ANKRD36: variants seen among roughly 807,000 people sequenced by gnomAD.
ANKRD36 encodes ankyrin repeat domain-containing protein 36A.
Under a neutral mutation model 278.1 loss-of-function variants are expected in ANKRD36, and 179 were observed. That is an observed-to-expected ratio of 0.64 (90% CI 0.57 to 0.73). ANKRD36 has a LOEUF of 0.73. Ranked by LOEUF, ANKRD36 falls within the 30% of genes least tolerant of loss-of-function variation. The pLI is 0.00. For missense variants in ANKRD36, 1,159 were observed against 1,956.7 expected (o/e 0.59, Z 7.69); for synonymous variants, 320 against 641.1 (o/e 0.50, Z 7.57).
chr2:97,164,105 G>A (rs1363059688), intron 18 of ANKRD36, 178 bp from the exon 19 acceptor site: 1 of 985,258 alleles, frequency 1.0e-6, no homozygotes, highest in Non-Finnish European at 1.2e-6. Flanking sequence ...TTTTTCATGT[G>A]TATATTCCTG....
At chr2:97,200,722 C>T (rs1368462227) in intron 46 of ANKRD36, among the ~76,000 whole-genome samples, 197 bp downstream of exon 46, 1 of 151,862 alleles carries the variant, frequency 6.6e-6, no homozygotes, top group African/African-American at 2.4e-5. Context: ...TTATACGCAT[C>T]CCCACATTAC....
At chr2:97,215,573 G>A in intron 62 of ANKRD36, 76 bp downstream of exon 62, 1 of 1,585,688 alleles carries the variant, frequency 6.3e-7, no homozygotes, top group South Asian at 1.2e-5. Context: ...AAATCAGCGG[G>A]GGGTTCATTG....
At chr2:97,248,062 T>A (rs2075513710) in intron 72 of ANKRD36, 1 of 144,766 alleles carries the variant, frequency 6.9e-6, no homozygotes, top group African/African-American at 2.5e-5. Context: ...TATCTTCTTT[T>A]TAGTCTCTAC....
intron 67 of ANKRD36, among the ~76,000 whole-genome samples, chr2:97,230,004 T>G (rs965478596): frequency 6.6e-6 from 1 of 152,142 alleles, no homozygotes; most frequent in Non-Finnish European, 1.5e-5. Flanking sequence ...TGCCGAGAGA[T>G]CCACTGTTAG....
Position 97,118,108 on chromosome 2 carries a change from T to C in ANKRD36, c.242T>C (p.Val81Ala). 1 of 1,558,292 alleles carries C rather than the reference T, an allele frequency of 6.4e-7. No individual in the cohort carries two copies. Among genetic ancestry groups the C allele is most frequent in the South Asian group, 1.2e-5 (1 of 84,336 alleles). ...TGTGCCACTGGCCAACCGGAAATGGTACATCTCCTGGTGTCCAGAAGATGT... is the reference window on the plus strand; with the variant it reads ...TGTGCCACTGGCCAACCGGAAATGGCACATCTCCTGGTGTCCAGAAGATGT... ...LACATGQPEMVHLLVSRRCEL... is the reference protein window; with the variant it reads ...LACATGQPEMAHLLVSRRCEL... Residue 81 changes from valine (V) to alanine (A), a missense_variant, in exon 2 of 76, where the codon GTA becomes GCA. Transcript: ENST00000420699.
At chr2:97,205,908 A>G in intron 50 of ANKRD36, 32 bp from the exon 51 acceptor site, 3 of 1,536,222 alleles carry the variant, frequency 2.0e-6, no homozygotes, top group East Asian at 2.4e-5. Flanking sequence ...ATATTTACAT[A>G]TGACTGATTA....
chr2:97,158,088 A>T lies in ANKRD36; in HGVS notation c.1261-19A>T. The T allele has an allele frequency of 4.1e-6, 6 of 1,454,368 alleles. No homozygotes were observed. Among genetic ancestry groups the T allele is most frequent in the Non-Finnish European group, 5.6e-6 (6 of 1,074,794 alleles). The allele number at this position is 1,454,368 out of a possible 1,614,324, so 90.1% of individuals were successfully genotyped here. On this transcript the variant is annotated intron_variant, in intron 15 of 75. Coordinates refer to ENST00000420699, the MANE Select transcript of ANKRD36 (RefSeq NM_001354587.1). Reference sequence around the variant, plus strand: ...TTTAACTTGCTGCATGTTATTCTTAAACCTATTGTGTCTTCTAGAATATTT... The same window carrying T: ...TTTAACTTGCTGCATGTTATTCTTATACCTATTGTGTCTTCTAGAATATTT...
At chr2:97,229,574 A>G (rs1166083072) in intron 67 of ANKRD36, among the ~76,000 whole-genome samples, 3 of 152,150 alleles carry the variant, frequency 2.0e-5, no homozygotes, top group East Asian at 2.0e-4. Context: ...ACACTGATGG[A>G]TCTTGACTCT....
rs982151523 is a variant in ANKRD36 at position 97,167,735 on chromosome 2, T to C, written c.1601T>C (p.Met534Thr). The C allele has an allele frequency of 6.5e-7, 1 of 1,536,618 alleles. No individual in the cohort carries two copies. Among genetic ancestry groups the C allele is most frequent in the South Asian group, 1.2e-5 (1 of 83,928 alleles). The change falls in exon 22 of 76, where the codon ATG (methionine) becomes ACG (threonine). Residue 534 changes from methionine to threonine, a missense_variant. Met to Thr is a moderately conservative substitution (Grantham distance 81, BLOSUM62 -1). Transcript: ENST00000420699. The stretch of plus-strand genomic sequence containing the variant: ...GCAGATCCCAGTTCAAAAGCAGCCA[T>C]GAGAAGGAAGGATTCACCACCTCCA... ...KEADPSSKAA[M>T]RRKDSPPPGK...
intron 17 of ANKRD36, among the ~76,000 whole-genome samples, chr2:97,160,573 C>T (rs1575110269): frequency 6.6e-6 from 1 of 152,148 alleles, no homozygotes; most frequent in Admixed American, 6.6e-5. Flanking sequence ...TATTTGAAGA[C>T]ATGTAAATCT....
chr2:97,121,620 T>C (rs2036864432), intron 3 of ANKRD36, among the ~76,000 whole-genome samples: 1 of 152,058 alleles, frequency 6.6e-6, no homozygotes, highest in Non-Finnish European at 1.5e-5. Flanking sequence ...CACTCCAGCC[T>C]GGGCGACAGA....
At chr2:97,199,210 G>A (rs1310865217) in intron 44 of ANKRD36, among the ~76,000 whole-genome samples, 1 of 151,828 alleles carries the variant, frequency 6.6e-6, no homozygotes, top group Non-Finnish European at 1.5e-5. Context: ...AGATGCATTG[G>A]GAATATTTCC....
At chr2:97,217,957 G>A (rs1401511223) in intron 64 of ANKRD36, among the ~76,000 whole-genome samples, 2 of 151,974 alleles carry the variant, frequency 1.3e-5, no homozygotes, top group African/African-American at 4.8e-5. Context: ...TTGCATACCG[G>A]ATCATCTGAT....
chr2:97,217,309 A>G lies in ANKRD36; in HGVS notation c.3712A>G (p.Lys1238Glu), dbSNP rs2066207336. Reference sequence around the variant, plus strand: ...TTCTCTTTCCATTCAGGTTATATTTAAAAAGAAAGTTTCTCTTTTGAATAT... The same window carrying G: ...TTCTCTTTCCATTCAGGTTATATTTGAAAAGAAAGTTTCTCTTTTGAATAT... ...QKQSAQKVIFKKKVSLLNIAT... is the reference protein window; with the variant it reads ...QKQSAQKVIFEKKVSLLNIAT... The change falls in exon 64 of 76, where the codon AAA (lysine) becomes GAA (glutamate). Residue 1238 changes from lysine to glutamate, a missense_variant. Coordinates refer to ENST00000420699, the MANE Select transcript of ANKRD36 (RefSeq NM_001354587.1). The G allele has an allele frequency of 1.3e-6, 2 of 1,550,488 alleles. No individual in the cohort carries two copies. Among genetic ancestry groups the G allele is most frequent in the Admixed American group, 2.0e-5 (1 of 51,114 alleles).
rs201016447 is a variant in ANKRD36, at chr2:97,181,785, C to G, written c.1829C>G (p.Ser610Cys). 75 of 1,608,558 alleles carry G rather than the reference C, an allele frequency of 4.7e-5. No homozygotes were observed. Among genetic ancestry groups the G allele is most frequent in the Non-Finnish European group, 6.1e-5 (72 of 1,178,010 alleles). Residue 610 changes from serine to cysteine, a missense_variant, in exon 26 of 76, where the codon TCT becomes TGT. Coordinates refer to ENST00000420699, the MANE Select transcript of ANKRD36 (RefSeq NM_001354587.1). ...IATEIKKGQQ[S>C]GTVSPQKQSA... ...ACAGAAATAAAGAAGGGACAACAAT[C>G]TGGGACAGGTAATTTTGCAAAACAC... is the stretch of plus-strand genomic sequence containing the variant.
Position 97,202,222 on chromosome 2 carries a change from G to T in ANKRD36, c.2878G>T (p.Ala960Ser), listed in dbSNP as rs369352211. ...SRKVSSQKPP[A>S]LKGTSDEEDS... ...TTCAGTGTCTTCTCAGAAACCACCAGCCTTGAAGGTAATGAAACTCCCATT... is the reference window on the plus strand; with the variant it reads ...TTCAGTGTCTTCTCAGAAACCACCATCCTTGAAGGTAATGAAACTCCCATT... Residue 960 changes from alanine to serine, a missense_variant, in exon 47 of 76, where the codon GCC becomes TCC. Ala to Ser is a moderately conservative substitution (Grantham distance 99, BLOSUM62 1). Coordinates refer to ENST00000420699, the MANE Select transcript of ANKRD36 (RefSeq NM_001354587.1). 3.1e-6 allele frequency: 5 copies of T among 1,609,512 alleles called. No individual in the cohort carries two copies. The African/African-American group carries it at 4.0e-5, about 13-fold the overall frequency.
intron 11 of ANKRD36, among the ~76,000 whole-genome samples, chr2:97,146,904 A>G (rs1180242760): frequency 6.6e-6 from 1 of 151,900 alleles, no homozygotes; most frequent in Non-Finnish European, 1.5e-5. Flanking sequence ...ATTTTGTTAT[A>G]TATTAACTCT....
At chr2:97,185,877 A>C (rs1011832686) in intron 30 of ANKRD36, among the ~76,000 whole-genome samples, 2 of 151,830 alleles carry the variant, frequency 1.3e-5, no homozygotes, top group Non-Finnish European at 2.9e-5. Context: ...ATTGCTAAAA[A>C]CAGATGGAAA....
rs1457069314 is a variant in ANKRD36 at position 97,224,436 on chromosome 2, G to GTTT, written c.3878-365_3878-363dup. Among the ~76,000 whole-genome samples, 24 of 142,538 alleles carry GTTT rather than the reference G, an allele frequency of 1.7e-4. 1 individual carries two copies. The highest frequency in any genetic ancestry group is 3.0e-4 in the Admixed American group (4 of 13,182). 93.5% of individuals were successfully genotyped at this position (142,538 alleles called of 152,430 possible). On this transcript the variant is annotated intron_variant, in intron 66 of 75. Transcript: ENST00000420699. ...CTGGTTTTAGAAAGACTATCGTTTT[G>GTTT]TTTTTTTGTTTTTTTGTTTTTTTTT... is the stretch of plus-strand genomic sequence containing the variant.
Sources: allele counts gnomAD v4.1 joint callset (sites outside exome capture counted in the v4.1 genomes callset), GRCh38; gene constraint gnomAD v4.1.1; transcripts MANE v1.5; gene names NCBI Gene and HGNC (gene_info 2026-07-23, HGNC 2026-07-21).